HEATR4: variants seen among roughly 807,000 people sequenced by gnomAD.
HEATR4 encodes the protein HEAT repeat-containing protein 4.
A neutral mutation model predicts 108.8 loss-of-function variants in HEATR4; 95 were observed. The observed-to-expected ratio is 0.87, with a 90% CI of 0.74 to 1.04. The LOEUF (loss-of-function observed/expected upper bound fraction) is 1.04. HEATR4 is among the 50% of genes least tolerant of loss of function. The pLI is 0.00. For missense variants in HEATR4, 1,152 were observed against 1,253.8 expected (o/e 0.92, Z 1.23); for synonymous variants, 443 against 459.4 (o/e 0.96, Z 0.46).
intron 17 of HEATR4, 25 bp from the exon 18 acceptor site, chr14:73,478,867 G>A (rs1170750241): frequency 1.3e-6 from 2 of 1,557,344 alleles, no homozygotes; most frequent in Admixed American, 1.8e-5. Flanking sequence ...GAAAACATGA[G>A]TGCATATGCC....
At chr14:73,518,980 T>C in intron 5 of HEATR4, 43 bp downstream of exon 5, 1 of 1,575,440 alleles carries the variant, frequency 6.3e-7, no homozygotes, top group African/African-American at 1.3e-5. Context: ...GTAGCCACAT[T>C]CCCGTTATTA....
chr14:73,565,436 A>C, the HEATR4 span, among the ~76,000 whole-genome samples: 2 of 142,448 alleles, frequency 1.4e-5, no homozygotes, highest in African/African-American at 5.2e-5. Flanking sequence ...CCCAGGCTGG[A>C]GTGCAGTGGC....
At chr14:73,576,705 A>C in the HEATR4 span, among the ~76,000 whole-genome samples, 2 of 143,266 alleles carry the variant, frequency 1.4e-5, no homozygotes, top group Admixed American at 1.5e-4. Flanking sequence ...CTGAGGTGGG[A>C]GAACCACTTG....
chr14:73,521,129 C>T (rs1887954457), intron 3 of HEATR4, 90 bp from the exon 4 acceptor site: 1 of 1,158,458 alleles, frequency 8.6e-7, no homozygotes, highest in Non-Finnish European at 1.3e-6. Flanking sequence ...TCCCTTTCCT[C>T]TTTAAGCTCA....
chr14:73,558,719 C>G (rs1889449814), intron 1 of HEATR4, 32 bp downstream of exon 1: 1 of 151,306 alleles, frequency 6.6e-6, no homozygotes, highest in African/African-American at 2.4e-5. Flanking sequence ...ATTAAGATCA[C>G]CATACTGCTT....
At chr14:73,501,371 C>T (rs1233820452) in intron 11 of HEATR4, among the ~76,000 whole-genome samples, 3 of 151,940 alleles carry the variant, frequency 2.0e-5, no homozygotes, top group Admixed American at 6.6e-5. Flanking sequence ...GTGATCTGCC[C>T]GCCTCGGCCT....
Position 73,499,156 on chromosome 14 carries a change from C to T in HEATR4, c.2287-16G>A. On this transcript the variant is annotated splice_polypyrimidine_tract_variant and intron_variant, in intron 12 of 17. Coordinates refer to ENST00000553558, the MANE Select transcript of HEATR4 (RefSeq NM_001220484.1). ...ATTCAAGCACCTGGGATGGAAAAGG[C>T]AGTGTTGAGTGGGGAGGACCAGAGC... 1.2e-6 allele frequency: 2 copies of T among 1,612,044 alleles called. No individual in the cohort carries two copies. Among genetic ancestry groups the T allele is most frequent in the Non-Finnish European group, 1.7e-6 (2 of 1,178,126 alleles).
the HEATR4 span, chr14:73,581,430 C>G: frequency 6.6e-6 from 1 of 151,690 alleles, no homozygotes; most frequent in Non-Finnish European, 1.5e-5. Flanking sequence ...AGTCACTTCC[C>G]AAATGCCTCG....
the HEATR4 span, among the ~76,000 whole-genome samples, chr14:73,594,272 A>G: frequency 6.6e-6 from 1 of 152,150 alleles, no homozygotes; most frequent in African/African-American, 2.4e-5. Flanking sequence ...AAACTTACTT[A>G]CTCTGAAGTC....
At chr14:73,527,026 G>C (rs1888383037) in intron 2 of HEATR4, among the ~76,000 whole-genome samples, 1 of 152,136 alleles carries the variant, frequency 6.6e-6, no homozygotes, top group African/African-American at 2.4e-5. Context: ...TCTTACCCAA[G>C]GCCACCAAAG....
At chr14:73,608,428 T>G in the HEATR4 span, among the ~76,000 whole-genome samples, 1 of 152,176 alleles carries the variant, frequency 6.6e-6, no homozygotes, top group African/African-American at 2.4e-5. Context: ...TTTACTTCAG[T>G]TCCCAACAAG....
At chr14:73,570,168 C>T in the HEATR4 span, among the ~76,000 whole-genome samples, 2 of 151,724 alleles carry the variant, frequency 1.3e-5, no homozygotes, top group East Asian at 1.9e-4. Flanking sequence ...AGCTTCCAAC[C>T]TTCCGGAGGT....
At chr14:73,614,112 G>A in the HEATR4 span, among the ~76,000 whole-genome samples, 2 of 151,326 alleles carry the variant, frequency 1.3e-5, no homozygotes, top group African/African-American at 4.9e-5. Flanking sequence ...GAGGTGGGAG[G>A]ATTGTTTGAT....
chr14:73,573,874 C>T, the HEATR4 span, among the ~76,000 whole-genome samples: 1 of 152,106 alleles, frequency 6.6e-6, no homozygotes, highest in Non-Finnish European at 1.5e-5. Flanking sequence ...TTACAGGCAC[C>T]TGCCACCATG....
the HEATR4 span, among the ~76,000 whole-genome samples, chr14:73,567,142 G>T: frequency 6.6e-6 from 1 of 151,898 alleles, no homozygotes; most frequent in East Asian, 1.9e-4. Flanking sequence ...TTGCTATGTT[G>T]TCCAGGTTGG....
rs944763160 is a variant in HEATR4, at chr14:73,493,000, T to A, written c.2844+66A>T. On this transcript the variant is annotated intron_variant, in intron 17 of 17. Transcript: ENST00000553558. This position sits in a 1 kb window ranked among gnomAD's most constrained non-coding sequence, Gnocchi z 4.9. The stretch of plus-strand genomic sequence containing the variant: ...GTGATTCTCCGCTGCCACTGCTACC[T>A]TTTTTTTTTTTTTTTCCTTAAACTC... The A allele has an allele frequency of 7.6e-6, 5 of 656,740 alleles. No individual in the cohort carries two copies. In the African/African-American group the frequency reaches 2.4e-4, roughly 32 times the overall value. The allele number at this position is 656,740 out of a possible 1,614,324, so 40.7% of individuals were successfully genotyped here.
At chr14:73,633,499 A>G in the HEATR4 span, among the ~76,000 whole-genome samples, 2 of 152,156 alleles carry the variant, frequency 1.3e-5, no homozygotes, top group Non-Finnish European at 2.9e-5. Context: ...TTAAACTTTA[A>G]CTTTGATAGT....
the HEATR4 span, chr14:73,593,930 C>A: frequency 6.3e-7 from 1 of 1,579,896 alleles, no homozygotes; most frequent in South Asian, 1.1e-5. Context: ...TTTATTTAAT[C>A]AGTCTCTCTA....
At chr14:73,593,796 C>T in the HEATR4 span, 1 of 1,614,046 alleles carries the variant, frequency 6.2e-7, no homozygotes, top group East Asian at 2.2e-5. Context: ...ATGGCTTTGC[C>T]ACGTTGGCTC....
Sources: gnomAD v4.1 joint callset for allele counts (sites outside exome capture counted in the v4.1 genomes callset) on GRCh38, gnomAD v4.1.1 for gene constraint, Gnocchi (gnomAD v3.1) non-coding constraint, MANE v1.5 for transcripts, NCBI Gene and HGNC (gene_info 2026-07-23, HGNC 2026-07-21) for gene names.